Variants in FHIT observed in about 807,000 individuals in gnomAD.
FHIT encodes fragile histidine triad diadenosine triphosphatase.
A neutral mutation model predicts 17.9 loss-of-function variants in FHIT; 19 were observed. The ratio of observed to expected loss-of-function variants is 1.06; its 90% CI spans 0.74 to 1.56. The LOEUF is 1.56. FHIT is among the 40% of genes most tolerant of loss of function. The pLI is 0.00. For synonymous variants in FHIT, 81 were observed against 69.7 expected, an observed-to-expected ratio of 1.16 and a Z score of -0.81; for missense variants, 248 against 189.2, an observed-to-expected ratio of 1.31 and a Z score of -1.82.
At chr3:60,850,283 C>CTTTGTTG (rs1197034860) in intron 3 of FHIT, among the ~76,000 whole-genome samples, 1 of 150,182 alleles carries the variant, frequency 6.7e-6, no homozygotes, top group Non-Finnish European at 1.5e-5. Flanking sequence ...GTGGGTGGTA[C>CTTTGTTG]TTTGTTGCCA....
intron 5 of FHIT, among the ~76,000 whole-genome samples, chr3:60,467,854 G>A (rs1218767971): frequency 6.6e-6 from 1 of 152,076 alleles, no homozygotes; most frequent in African/African-American, 2.4e-5. Context: ...GATTAAGTAA[G>A]ATGTTTGCTG....
chr3:60,529,814 T>C (rs1047352133), intron 5 of FHIT, among the ~76,000 whole-genome samples: 52 of 152,282 alleles, frequency 3.4e-4, no homozygotes, highest in African/African-American at 1.2e-3. Flanking sequence ...TGAAGTGTTG[T>C]CTAGATACAT....
At chr3:60,420,893 T>G (rs545646825) in intron 5 of FHIT, among the ~76,000 whole-genome samples, 1 of 152,246 alleles carries the variant, frequency 6.6e-6, no homozygotes, top group South Asian at 2.1e-4. Context: ...TTGCCTTCCA[T>G]CTCTCCACCC....
rs1701086995 is a variant in FHIT at position 60,798,893 on chromosome 3, G to A, written c.-18+23026C>T. ...GTGCATCAGCCTCCCAAGTAGCTGG[G>A]ATCACAGGTGTGCACCACCACGCCC... is the stretch of plus-strand genomic sequence containing the variant. On this transcript the variant is annotated intron_variant, in intron 4 of 9. Coordinates refer to ENST00000492590, the MANE Select transcript of FHIT (RefSeq NM_002012.4). Among the ~76,000 whole-genome samples the A allele has an allele frequency of 1.3e-5, 2 of 151,294 alleles. 1 individual carries two copies. Among genetic ancestry groups the A allele is most frequent in the South Asian group, 4.2e-4 (2 of 4,778 alleles).
At chr3:59,798,129 C>T (rs963091588) in intron 8 of FHIT, among the ~76,000 whole-genome samples, 1 of 152,154 alleles carries the variant, frequency 6.6e-6, no homozygotes, top group Non-Finnish European at 1.5e-5. Flanking sequence ...CCTCCTAAAC[C>T]AAAAACCTTC....
At chr3:60,477,643 A>T (rs569643955) in intron 5 of FHIT, among the ~76,000 whole-genome samples, 1 of 152,334 alleles carries the variant, frequency 6.6e-6, no homozygotes, top group East Asian at 1.9e-4. Flanking sequence ...CTGGTAGATG[A>T]ATTTCATGCC....
intron 5 of FHIT, among the ~76,000 whole-genome samples, chr3:60,182,202 G>C (rs569509599): frequency 2.0e-5 from 3 of 152,102 alleles, no homozygotes; most frequent in African/African-American, 2.4e-5. Flanking sequence ...TGGTAGTTTT[G>C]GCTGGCTTCT....
chr3:59,841,052 G>T (rs1485730), intron 8 of FHIT, among the ~76,000 whole-genome samples: 123,965 of 152,160 alleles, frequency 0.81, 52,268 homozygotes, highest in East Asian at 0.99. Context: ...TTTAATTTTC[G>T]CCATGTCTTC....
intron 5 of FHIT, among the ~76,000 whole-genome samples, chr3:60,431,943 CAGCTCCT>C (rs1295627159): frequency 2.6e-5 from 4 of 152,032 alleles, no homozygotes; most frequent in Admixed American, 6.6e-5. Flanking sequence ...CACTGACCTA[CAGCTCCT>C]TGGCAGTAGG....
intron 3 of FHIT, among the ~76,000 whole-genome samples, chr3:60,850,680 G>T (rs1703120604): frequency 6.6e-6 from 1 of 152,052 alleles, no homozygotes; most frequent in African/African-American, 2.4e-5. Context: ...ATGTCCTATG[G>T]CCAACCAGGT....
At chr3:60,286,073 G>A (rs769254219) in intron 5 of FHIT, among the ~76,000 whole-genome samples, 1 of 152,126 alleles carries the variant, frequency 6.6e-6, no homozygotes, top group Non-Finnish European at 1.5e-5. Flanking sequence ...CAACATGCAT[G>A]AGGTGAATGC....
intron 2 of FHIT, among the ~76,000 whole-genome samples, chr3:61,170,446 G>T (rs185498759): frequency 1.3e-5 from 2 of 152,132 alleles, no homozygotes; most frequent in East Asian, 1.9e-4. Flanking sequence ...TGTCATGAGG[G>T]TTTGTTGTAC....
At chr3:61,075,516 T>G (rs1417561040) in intron 2 of FHIT, among the ~76,000 whole-genome samples, 2 of 151,684 alleles carry the variant, frequency 1.3e-5, no homozygotes, top group Non-Finnish European at 2.9e-5. Flanking sequence ...GAAACAAAAT[T>G]AAAAAAAGAT....
intron 4 of FHIT, among the ~76,000 whole-genome samples, chr3:60,708,078 G>A (rs1553703988): frequency 6.6e-6 from 1 of 152,118 alleles, no homozygotes; most frequent in African/African-American, 2.4e-5. Flanking sequence ...CTCACATTCT[G>A]TTTATTTCTT....
At position 60,864,302 on chromosome 3, in the gene FHIT, G is replaced by T. The variant is rs562413202; in HGVS notation, c.-110-42291C>A. 3.4e-4 allele frequency among the ~76,000 whole-genome samples: 52 copies of T among 152,222 alleles called. 1 individual carries two copies. Among genetic ancestry groups the T allele is most frequent in the African/African-American group, 1.3e-3 (52 of 41,560 alleles). The stretch of plus-strand genomic sequence containing the variant: ...GACCCATGATTCATACCATCTTGCA[G>T]ATTAAGAAGCTGAGGTACAGGCAGG... On this transcript the variant is annotated intron_variant, in intron 3 of 9. Coordinates refer to ENST00000492590, the MANE Select transcript of FHIT (RefSeq NM_002012.4).
chr3:61,103,366 C>T (rs966482611), intron 2 of FHIT, among the ~76,000 whole-genome samples: 2 of 152,044 alleles, frequency 1.3e-5, no homozygotes, highest in Non-Finnish European at 2.9e-5. Flanking sequence ...GTGCGGCTTT[C>T]AGTGAGTTTC....
chr3:60,299,205 C>T (rs189831430), intron 5 of FHIT, among the ~76,000 whole-genome samples: 4 of 152,148 alleles, frequency 2.6e-5, no homozygotes, highest in Admixed American at 1.3e-4. Context: ...TCATTATTTA[C>T]GGTTGACATG....
intron 5 of FHIT, among the ~76,000 whole-genome samples, chr3:60,522,999 C>G (rs953907598): frequency 1.3e-5 from 2 of 152,096 alleles, no homozygotes; most frequent in African/African-American, 4.8e-5. Context: ...GCACATCTTA[C>G]ACGGCAGCAG....
chr3:60,504,117 T>G (rs1056739164), intron 5 of FHIT, among the ~76,000 whole-genome samples: 1 of 152,204 alleles, frequency 6.6e-6, no homozygotes, highest in Non-Finnish European at 1.5e-5. Context: ...ACCATATTGA[T>G]AGCCACCAAT....
Sources: allele counts gnomAD v4.1 joint callset (sites outside exome capture counted in the v4.1 genomes callset), GRCh38; gene constraint gnomAD v4.1.1; transcripts MANE v1.5; gene names NCBI Gene and HGNC (gene_info 2026-07-23, HGNC 2026-07-21).